Variants in EFHC1 observed in about 807,000 individuals in gnomAD.
EFHC1 encodes the protein EF-hand domain-containing protein 1.
Under a neutral mutation model 69.9 loss-of-function variants are expected in EFHC1, and 53 were observed. That is an observed-to-expected ratio of 0.76 (90% CI 0.61 to 0.95). The LOEUF (loss-of-function observed/expected upper bound fraction) is 0.95, where lower values mean the gene tolerates loss of function less well. Ranked by LOEUF, EFHC1 falls within the 40% of genes least tolerant of loss-of-function variation. The pLI, the probability that EFHC1 is intolerant of heterozygous loss-of-function variation, is 0.00. For missense variants in EFHC1, 739 were observed against 798.7 expected, an observed-to-expected ratio of 0.93 and a Z score of 0.90; for synonymous variants, 256 against 278.4, an observed-to-expected ratio of 0.92 and a Z score of 0.80.
intron 4 of EFHC1, chr6:52,453,367 C>CT (rs1258927977): frequency 1.9e-5 from 25 of 1,287,092 alleles, no homozygotes; most frequent in African/African-American, 9.1e-5. Context: ...TCCTAATCCT[C>CT]TCCCTTGTGA....
intron 3 of EFHC1, among the ~76,000 whole-genome samples, chr6:52,448,745 A>C (rs1764848152): frequency 6.6e-6 from 1 of 152,130 alleles, no homozygotes; most frequent in South Asian, 2.1e-4. Context: ...ATTTTACCCA[A>C]AGTCTTTTAT....
intron 6 of EFHC1, chr6:52,469,064 G>A (rs781285388): frequency 2.2e-6 from 1 of 456,990 alleles, no homozygotes; most frequent in African/African-American, 2.0e-5. Context: ...TGTAGTAAGG[G>A]GTCAGTGGAC....
chr6:52,495,767 G>A lies in EFHC1; in HGVS notation c.*3426G>A, dbSNP rs2114045568. 1 of 364,386 alleles carries A rather than the reference G, an allele frequency of 2.7e-6. No homozygotes were observed. The highest frequency in any genetic ancestry group is 2.1e-5 in the South Asian group (1 of 47,558). The allele number at this position is 364,386 out of a possible 1,614,324, so 22.6% of individuals were successfully genotyped here. A position where few individuals can be genotyped will look rare whatever the true frequency, so the allele number is the denominator to read the frequency against. ...AACTGTCTTCAATAAAGTTGGCACT[G>A]TCCACATACACTCCTTAAGTTTGCT... On this transcript the variant is annotated 3_prime_UTR_variant, in exon 11 of 11. Coordinates refer to ENST00000371068, the MANE Select transcript of EFHC1 (RefSeq NM_018100.4).
intron 5 of EFHC1, among the ~76,000 whole-genome samples, chr6:52,459,513 A>G (rs1765114622): frequency 6.6e-6 from 1 of 152,230 alleles, no homozygotes; most frequent in Non-Finnish European, 1.5e-5. Context: ...GTAAGATACT[A>G]CTGTATACCC....
In EFHC1 at chr6:52,496,588, A is replaced by C. The variant is rs1490147354; in HGVS notation, c.*4247A>C. 1.3e-5 allele frequency: 2 copies of C among 152,208 alleles called. No individual in the cohort carries two copies. Among genetic ancestry groups the C allele is most frequent in the African/African-American group, 4.8e-5 (2 of 41,444 alleles). 9.4% of individuals were successfully genotyped at this position (152,208 alleles called of 1,614,324 possible). On this transcript the variant is annotated 3_prime_UTR_variant, in exon 11 of 11. Coordinates refer to ENST00000371068, the MANE Select transcript of EFHC1 (RefSeq NM_018100.4). ...GCACATAAGTTCATTTTAAAAAGCC[A>C]ATATGAGTGCTTTATATGTACCATG...
chr6:52,469,380 G>C lies in EFHC1; in HGVS notation c.1185G>C (p.Gln395His), dbSNP rs779012527. The change falls in exon 7 of 11, where the codon CAG becomes CAC. Residue 395 changes from glutamine to histidine, a missense_variant. Physicochemically the swap from Gln to His is conservative, Grantham distance 24. Transcript: ENST00000371068. ...NGFGLVEDSA[Q>H]NCFALIPKAP... ...TTGGACTAGTGGAAGATTCTGCTCAGAATTGTTTTGCTCTCATTCCAAAAG... is the reference window on the plus strand; with the variant it reads ...TTGGACTAGTGGAAGATTCTGCTCACAATTGTTTTGCTCTCATTCCAAAAG... The C allele has an allele frequency of 1.9e-6, 3 of 1,613,860 alleles. No individual in the cohort carries two copies. Among genetic ancestry groups the C allele is most frequent in the Admixed American group, 1.7e-5 (1 of 59,994 alleles).
intron 2 of EFHC1, among the ~76,000 whole-genome samples, chr6:52,434,181 C>G (rs1395302092): frequency 6.6e-6 from 1 of 152,196 alleles, no homozygotes; most frequent in Non-Finnish European, 1.5e-5. Flanking sequence ...CACACCTTCT[C>G]CCGAGTTCTG....
intron 6 of EFHC1, among the ~76,000 whole-genome samples, chr6:52,465,606 A>G (rs539366333): frequency 1.3e-5 from 2 of 152,116 alleles, no homozygotes; most frequent in East Asian, 3.9e-4. Context: ...CAGGAGTTCT[A>G]GACCAGCCTG....
chr6:52,429,031 G>A (rs1764362763), intron 2 of EFHC1, among the ~76,000 whole-genome samples: 1 of 152,014 alleles, frequency 6.6e-6, no homozygotes, highest in South Asian at 2.1e-4. Context: ...CCCACTTTTT[G>A]ATGGGCTTCT....
chr6:52,453,012 T>A, intron 4 of EFHC1, 175 bp downstream of exon 4: 1 of 1,539,762 alleles, frequency 6.5e-7, no homozygotes, highest in Non-Finnish European at 8.7e-7. Context: ...GGTACAGGAA[T>A]GCCTACATTT....
At chr6:52,457,864 G>A (rs1051865746) in intron 5 of EFHC1, among the ~76,000 whole-genome samples, 5 of 152,082 alleles carry the variant, frequency 3.3e-5, no homozygotes, top group African/African-American at 1.2e-4. Context: ...CTCACTTTCT[G>A]TGCATCTTTG....
intron 2 of EFHC1, among the ~76,000 whole-genome samples, chr6:52,429,129 C>G (rs1445199281): frequency 6.6e-6 from 1 of 151,734 alleles, no homozygotes; most frequent in Non-Finnish European, 1.5e-5. Context: ...AGATTTTTTC[C>G]CACTCTGTGG....
chr6:52,479,845 A>G, intron 9 of EFHC1, 58 bp downstream of exon 9: 15 of 1,605,560 alleles, frequency 9.3e-6, no homozygotes, highest in Non-Finnish European at 1.3e-5. Flanking sequence ...GTAATTCTTG[A>G]GAAAACAAAT....
intron 3 of EFHC1, among the ~76,000 whole-genome samples, chr6:52,443,255 G>A (rs1226145374): frequency 6.6e-6 from 1 of 152,136 alleles, no homozygotes; most frequent in African/African-American, 2.4e-5. Context: ...CACTCAGATG[G>A]TAGTTTATTT....
intron 9 of EFHC1, chr6:52,483,041 A>G: frequency 2.5e-6 from 1 of 393,086 alleles, no homozygotes; most frequent in Non-Finnish European, 4.5e-6. Context: ...TGCGTGAACT[A>G]TAAAACAAAT....
chr6:52,481,758 T>A (rs1765680987), intron 9 of EFHC1: 1 of 152,262 alleles, frequency 6.6e-6, no homozygotes, highest in Admixed American at 6.5e-5. Context: ...TGATTCTGCC[T>A]CCTTGGCCTC....
chr6:52,495,419 A>T lies in EFHC1; in HGVS notation c.*3078A>T. On this transcript the variant is annotated 3_prime_UTR_variant, in exon 11 of 11. Transcript: ENST00000371068. The stretch of plus-strand genomic sequence containing the variant: ...CTCCATCACTCTTGCCTCCTGTGGT[A>T]GAGGAGCTTTGGGCTACTCCTTAAC... 1 of 454,146 alleles carries T rather than the reference A, an allele frequency of 2.2e-6. No individual in the cohort carries two copies. Among genetic ancestry groups the T allele is most frequent in the South Asian group, 1.6e-5 (1 of 64,474 alleles). The allele number at this position is 454,146 out of a possible 1,614,324, so 28.1% of individuals were successfully genotyped here. A position where few individuals can be genotyped will look rare whatever the true frequency, so the allele number is the denominator to read the frequency against.
In EFHC1 at chr6:52,438,048, A is replaced by G. The variant is rs151150235; in HGVS notation, c.286-256A>G. ...CATGTGTTATGAAACATTTTTTAAA[A>G]TTTTTTAAACCATTTAAATATGTAA... On this transcript the variant is annotated intron_variant, in intron 2 of 10. Transcript: ENST00000371068. Among the ~76,000 whole-genome samples the G allele has an allele frequency of 2.8e-3, 426 of 152,236 alleles. 1 individual carries two copies. Among genetic ancestry groups the G allele is most frequent in the African/African-American group, 9.7e-3 (401 of 41,552 alleles).
chr6:52,456,673 G>A (rs1387368332), intron 5 of EFHC1, among the ~76,000 whole-genome samples: 6 of 152,142 alleles, frequency 3.9e-5, no homozygotes, highest in Non-Finnish European at 8.8e-5. Flanking sequence ...CGTCACTTTG[G>A]GAGGCCAAGG....
Sources: allele counts gnomAD v4.1 joint callset (sites outside exome capture counted in the v4.1 genomes callset), GRCh38; gene constraint gnomAD v4.1.1; transcripts MANE v1.5; gene names NCBI Gene and HGNC (gene_info 2026-07-23, HGNC 2026-07-21).